The following CDK15 variants were observed in gnomAD, a reference collection of about 807,000 sequenced individuals.
The protein encoded by CDK15 is cyclin-dependent kinase 15.
A neutral mutation model predicts 60.3 loss-of-function variants in CDK15; 62 were observed. The observed-to-expected ratio is 1.03, with a 90% CI of 0.84 to 1.27. CDK15 has a LOEUF of 1.27. CDK15 is among the 50% of genes most tolerant of loss of function. The pLI is 0.00. For synonymous variants in CDK15, 194 were observed against 195.7 expected, an observed-to-expected ratio of 0.99 and a Z score of 0.07; for missense variants, 541 against 527.8, an observed-to-expected ratio of 1.03 and a Z score of -0.25.
chr2:201,877,309 C>T (rs868113741), intron 11 of CDK15, among the ~76,000 whole-genome samples: 1 of 152,268 alleles, frequency 6.6e-6, no homozygotes, highest in South Asian at 2.1e-4. Flanking sequence ...GTTCAGGAGC[C>T]ATCTGTTGTG....
In CDK15 at chr2:201,833,967, T is replaced by C; in HGVS notation, c.726T>C (p.Asp242=). 6.2e-7 allele frequency: 1 copy of C among 1,613,298 alleles called. No homozygotes were observed. Among genetic ancestry groups the C allele is most frequent in the Admixed American group, 1.7e-5 (1 of 59,936 alleles). The part of the protein sequence containing the change: ...ISHLGELKLA[D]FGLARAKSIP... ...ACCTGGGAGAGCTCAAACTGGCTGA[T>C]TTTGGTAAGTCGCCCCTCGGGTCTC... Residue 242 remains aspartate, a synonymous_variant, in exon 7 of 14, where the codon GAT becomes GAC. Transcript: ENST00000652192.
At chr2:201,828,091 C>T (rs73055691) in intron 6 of CDK15, among the ~76,000 whole-genome samples, 3,400 of 152,134 alleles carry the variant, frequency 0.022, 77 homozygotes, top group African/African-American at 0.057. Flanking sequence ...GTTTGACTGA[C>T]GAGGAGAATT....
Position 201,890,887 on chromosome 2 carries a change from G to A in CDK15, c.1301G>A (p.Cys434Tyr). 1 of 1,612,442 alleles carries A rather than the reference G, an allele frequency of 6.2e-7. No homozygotes were observed. The change falls in exon 13 of 14, where the codon TGC becomes TAC. Residue 434 changes from cysteine to tyrosine, a missense_variant. Coordinates refer to ENST00000652192, the MANE Select transcript of CDK15 (RefSeq NM_001366386.2). ...CACCACCCAGCCCAGTTTAGCAAAT[G>A]CTGGTGAAAAGAAAGGGCGAGATCA... ...KGHHPAQFSK[C>Y]W
At chr2:201,817,039 G>C (rs993470789) in intron 4 of CDK15, among the ~76,000 whole-genome samples, 9 of 152,220 alleles carry the variant, frequency 5.9e-5, no homozygotes, top group Non-Finnish European at 8.8e-5. Flanking sequence ...GCTCTGCAAG[G>C]AGAGGTACAC....
chr2:201,885,761 A>C (rs1441217221), intron 12 of CDK15, among the ~76,000 whole-genome samples: 1 of 152,244 alleles, frequency 6.6e-6, no homozygotes, highest in African/African-American at 2.4e-5. Flanking sequence ...TACTTATTCC[A>C]TACCTTCATT....
chr2:201,843,940 A>G (rs1697523927), intron 8 of CDK15, among the ~76,000 whole-genome samples: 1 of 152,164 alleles, frequency 6.6e-6, no homozygotes, highest in Non-Finnish European at 1.5e-5. Flanking sequence ...TTGGTTCCCT[A>G]CAGCTGTTAA....
At chr2:201,848,556 C>T (rs377025633) in intron 9 of CDK15, among the ~76,000 whole-genome samples, 1 of 152,126 alleles carries the variant, frequency 6.6e-6, no homozygotes, top group Non-Finnish European at 1.5e-5. Context: ...ATCTTCCCTC[C>T]CCACACTCCC....
At chr2:201,835,909 A>G (rs1427440529) in intron 8 of CDK15, 146 bp downstream of exon 8, 13 of 198,708 alleles carry the variant, frequency 6.5e-5, no homozygotes, top group Non-Finnish European at 9.5e-5. Context: ...ATATATATTT[A>G]TATAGTTATA....
intron 11 of CDK15, among the ~76,000 whole-genome samples, chr2:201,873,882 G>A (rs537018393): frequency 1.4e-4 from 21 of 152,226 alleles, no homozygotes; most frequent in Admixed American, 3.9e-4. Context: ...GCAAAACCCC[G>A]TCTCTACTAA....
At chr2:201,817,462 T>A (rs569585449) in intron 4 of CDK15, among the ~76,000 whole-genome samples, 1 of 152,360 alleles carries the variant, frequency 6.6e-6, no homozygotes, top group South Asian at 2.1e-4. Context: ...TACATCATGT[T>A]GTATATTCAT....
At chr2:201,892,454 A>C (rs1329762283) in intron 13 of CDK15, among the ~76,000 whole-genome samples, 1 of 152,140 alleles carries the variant, frequency 6.6e-6, no homozygotes, top group Admixed American at 6.5e-5. Flanking sequence ...TGCCTTTCTG[A>C]TCTACAGTGA....
intron 8 of CDK15, among the ~76,000 whole-genome samples, chr2:201,836,771 G>A (rs1183642331): frequency 6.7e-6 from 1 of 149,542 alleles, no homozygotes; most frequent in Non-Finnish European, 1.5e-5. Flanking sequence ...ACTCACACAT[G>A]TCCAAACGTA....
At chr2:201,827,013 A>G (rs1018461549) in intron 6 of CDK15, among the ~76,000 whole-genome samples, 1 of 152,238 alleles carries the variant, frequency 6.6e-6, no homozygotes, top group African/African-American at 2.4e-5. Context: ...AGTGATTCTT[A>G]GTTAAAATTC....
At chr2:201,827,066 G>A (rs1696540228) in intron 6 of CDK15, among the ~76,000 whole-genome samples, 1 of 152,196 alleles carries the variant, frequency 6.6e-6, no homozygotes, top group African/African-American at 2.4e-5. Flanking sequence ...CTGTTGGCCT[G>A]AAATACAGAA....
rs1319182356 is a variant in CDK15 at position 201,882,528 on chromosome 2, GC to G, written c.1198+2362del. ...GTCAAAGCCACAGGGCTCTGCTGCT[GC>G]TGCCTCGGCGGACAAGCATTTCCTG... On this transcript the variant is annotated intron_variant, in intron 12 of 13. Coordinates refer to ENST00000652192, the MANE Select transcript of CDK15 (RefSeq NM_001366386.2). This position sits in a 1 kb window ranked among gnomAD's most constrained non-coding sequence, Gnocchi z 4.0. Among the ~76,000 whole-genome samples the G allele has an allele frequency of 5.9e-5, 9 of 152,270 alleles. No individual in the cohort carries two copies. The East Asian group carries it at 1.7e-3, about 29-fold the overall frequency.
intron 9 of CDK15, among the ~76,000 whole-genome samples, chr2:201,853,639 T>C (rs987904460): frequency 2.6e-5 from 4 of 152,124 alleles, no homozygotes; most frequent in Non-Finnish European, 5.9e-5. Flanking sequence ...AGTAGTGTAA[T>C]GAAAGCTACT....
At chr2:201,823,877 T>A in intron 6 of CDK15, 150 bp downstream of exon 6, 1 of 623,504 alleles carries the variant, frequency 1.6e-6, no homozygotes, top group Non-Finnish European at 2.7e-6. Context: ...TTTGTTTTCG[T>A]TTTTGTTTTT....
chr2:201,823,404 G>A (rs1696318622), intron 5 of CDK15, among the ~76,000 whole-genome samples: 1 of 152,194 alleles, frequency 6.6e-6, no homozygotes, highest in Non-Finnish European at 1.5e-5. Context: ...CTGCGTCGTT[G>A]TGTTCAGTGC....
In CDK15 at chr2:201,882,093, G is replaced by T. The variant is rs1163598073; in HGVS notation, c.1198+1926G>T. 1.3e-5 allele frequency among the ~76,000 whole-genome samples: 2 copies of T among 152,182 alleles called. No homozygotes were observed. Among genetic ancestry groups the T allele is most frequent in the African/African-American group, 4.8e-5 (2 of 41,440 alleles). On this transcript the variant is annotated intron_variant, in intron 12 of 13. Transcript: ENST00000652192. The surrounding 1 kb of genome is among the most constrained non-coding windows in gnomAD (Gnocchi z 4.0). ...AACTGATGTGTTGTTAGAAACTTGG[G>T]TTTTGATTTTTCCTGGCTGACCCAA...
Sources: allele counts gnomAD v4.1 joint callset (sites outside exome capture counted in the v4.1 genomes callset), GRCh38; gene constraint gnomAD v4.1.1; non-coding constraint Gnocchi (gnomAD v3.1); transcripts MANE v1.5; gene names NCBI Gene and HGNC (gene_info 2026-07-23, HGNC 2026-07-21).